Variants in MCC observed in about 807,000 individuals in gnomAD.
The protein encoded by MCC is MCC regulator of Wnt signaling pathway.
Under a neutral mutation model 116.2 loss-of-function variants are expected in MCC, and 90 were observed. The observed-to-expected ratio is 0.77, with a 90% CI of 0.65 to 0.92. The LOEUF is 0.92. Ranked by LOEUF, MCC falls within the 40% of genes least tolerant of loss-of-function variation. MCC has a pLI of 0.00. For synonymous variants in MCC, 578 were observed against 510.5 expected, an observed-to-expected ratio of 1.13 and a Z score of -1.78; for missense variants, 1,516 against 1,312.2, an observed-to-expected ratio of 1.16 and a Z score of -2.40.
Position 113,029,072 on chromosome 5 carries a change from C to T in MCC, c.2757-16G>A. ...CTTCTTTTCTCTATATTAAAGGAGA[C>T]AAAATATGCCAGGAGTAGTTTGAGA... On this transcript the variant is annotated splice_polypyrimidine_tract_variant and intron_variant, in intron 17 of 18. Coordinates refer to ENST00000408903, the MANE Select transcript of MCC (RefSeq NM_001085377.2). 1 of 1,599,728 alleles carries T rather than the reference C, an allele frequency of 6.3e-7. No individual in the cohort carries two copies.
chr5:113,254,388 T>C (rs1764925633), intron 3 of MCC, among the ~76,000 whole-genome samples: 2 of 152,010 alleles, frequency 1.3e-5, no homozygotes, highest in South Asian at 2.1e-4. Context: ...AAAAGGAAAA[T>C]AAATGTCAGC....
At chr5:113,442,672 T>G (rs1481441561) in intron 1 of MCC, among the ~76,000 whole-genome samples, 2 of 152,372 alleles carry the variant, frequency 1.3e-5, no homozygotes, top group East Asian at 3.9e-4. Flanking sequence ...AGTTAATTTT[T>G]GCATAAGGTG....
In MCC at chr5:113,042,733, GATATGCTGAGGTGTAAAAT is replaced by G. The variant is rs1383243305; in HGVS notation, c.2756+778_2756+796del. ...GAGAACTTGAAATGTCTGAATTTGAGATATGCTGAGGTGTAAAATACATACCAGGTTTTGAAAACTTGGT... is the reference window on the plus strand; with the variant it reads ...GAGAACTTGAAATGTCTGAATTTGAGACATACCAGGTTTTGAAAACTTGGT... On this transcript the variant is annotated intron_variant, in intron 17 of 18. Coordinates refer to ENST00000408903, the MANE Select transcript of MCC (RefSeq NM_001085377.2). Among the ~76,000 whole-genome samples, 3 of 151,684 alleles carry G rather than the reference GATATGCTGAGGTGTAAAAT, an allele frequency of 2.0e-5. No homozygotes were observed. The South Asian group carries it at 6.2e-4, about 31-fold the overall frequency.
chr5:113,405,920 C>T (rs886286098), intron 1 of MCC, among the ~76,000 whole-genome samples: 3 of 152,108 alleles, frequency 2.0e-5, no homozygotes, highest in Non-Finnish European at 2.9e-5. Context: ...TTTTGAGCAT[C>T]ACTCTAAGAT....
At chr5:113,188,475 T>C (rs1269683941) in intron 3 of MCC, among the ~76,000 whole-genome samples, 1 of 152,222 alleles carries the variant, frequency 6.6e-6, no homozygotes, top group African/African-American at 2.4e-5. Flanking sequence ...GCAAAGTTCA[T>C]ATTATTTAAT....
At chr5:113,204,904 C>T (rs1436454449) in intron 3 of MCC, among the ~76,000 whole-genome samples, 1 of 152,200 alleles carries the variant, frequency 6.6e-6, no homozygotes, top group Non-Finnish European at 1.5e-5. Flanking sequence ...ATGAATAGTA[C>T]AGAAAACAGT....
At chr5:113,419,765 T>A (rs111374120) in intron 1 of MCC, among the ~76,000 whole-genome samples, 6 of 148,738 alleles carry the variant, frequency 4.0e-5, no homozygotes, top group African/African-American at 1.3e-4. Flanking sequence ...GCAAACTATC[T>A]CAGGGACAAA....
intron 17 of MCC, among the ~76,000 whole-genome samples, chr5:113,038,493 C>A (rs1751469637): frequency 6.6e-6 from 1 of 151,812 alleles, no homozygotes; most frequent in Non-Finnish European, 1.5e-5. Flanking sequence ...GCGCTAGGAA[C>A]CAAAAAAGAA....
At chr5:113,423,893 C>T (rs1241748611) in intron 1 of MCC, among the ~76,000 whole-genome samples, 3 of 152,124 alleles carry the variant, frequency 2.0e-5, no homozygotes, top group Admixed American at 1.3e-4. Context: ...GGAATTCAGG[C>T]GAAGTCCTCA....
In MCC at chr5:113,027,417, G is replaced by A. The variant is rs770382035; in HGVS notation, c.2945C>T (p.Ser982Leu). The A allele has an allele frequency of 3.9e-5, 63 of 1,614,052 alleles. 1 individual carries two copies. The Middle Eastern group carries it at 6.6e-4, about 17-fold the overall frequency. Residue 982 changes from serine to leucine, a missense_variant, in exon 19 of 19, where the codon TCG becomes TTG. Physicochemically the swap from Ser to Leu is moderately radical, Grantham distance 145. Coordinates refer to ENST00000408903, the MANE Select transcript of MCC (RefSeq NM_001085377.2). The part of the protein sequence containing the change: ...KHQNKLKKLE[S>L]QMMAMVERHE... ...TCTCTCCACCATGGCCATCATCTGC[G>A]ACTCTAACTTCTTCAGTTTGTTTTG...
intron 3 of MCC, among the ~76,000 whole-genome samples, chr5:113,316,564 A>C (rs139346359): frequency 1.1e-3 from 171 of 152,350 alleles, no homozygotes; most frequent in African/African-American, 4.0e-3. Context: ...TACATTTCAC[A>C]TAGCCCACAT....
At chr5:113,258,004 C>A (rs1765084057) in intron 3 of MCC, among the ~76,000 whole-genome samples, 1 of 151,892 alleles carries the variant, frequency 6.6e-6, no homozygotes, top group Non-Finnish European at 1.5e-5. Context: ...AAGCAGGAGG[C>A]CAGAGCATCT....
intron 1 of MCC, among the ~76,000 whole-genome samples, chr5:113,417,999 G>C (rs1302704256): frequency 6.6e-6 from 1 of 151,824 alleles, no homozygotes; most frequent in African/African-American, 2.4e-5. Context: ...ACTTATAAAG[G>C]ATATGAGACT....
chr5:113,479,530 A>C (rs1561593702), intron 1 of MCC, among the ~76,000 whole-genome samples: 1 of 151,874 alleles, frequency 6.6e-6, no homozygotes, highest in East Asian at 1.9e-4. Context: ...CTTGTATGTG[A>C]ATGTTCATAA....
At chr5:113,144,808 C>T (rs1759394826) in intron 4 of MCC, among the ~76,000 whole-genome samples, 1 of 152,184 alleles carries the variant, frequency 6.6e-6, no homozygotes, top group Non-Finnish European at 1.5e-5. Flanking sequence ...TAGAGGGATA[C>T]TTTCAGGAAA....
chr5:113,415,854 G>A (rs1191809506), intron 1 of MCC, among the ~76,000 whole-genome samples: 1 of 152,086 alleles, frequency 6.6e-6, no homozygotes, highest in Non-Finnish European at 1.5e-5. Context: ...AAGGCGCTCT[G>A]GTTTTTAGAA....
intron 1 of MCC, among the ~76,000 whole-genome samples, chr5:113,477,870 A>G (rs1029334362): frequency 1.2e-4 from 18 of 152,228 alleles, no homozygotes; most frequent in Non-Finnish European, 2.1e-4. Flanking sequence ...GAACAAGTTT[A>G]TATATCTGGC....
At chr5:113,444,786 G>A (rs903079248) in intron 1 of MCC, among the ~76,000 whole-genome samples, 1 of 151,998 alleles carries the variant, frequency 6.6e-6, no homozygotes, top group Non-Finnish European at 1.5e-5. Context: ...TCTCTATATT[G>A]AAGGCCTTGC....
intron 1 of MCC, among the ~76,000 whole-genome samples, chr5:113,386,183 A>C (rs961801100): frequency 9.9e-5 from 15 of 152,204 alleles, no homozygotes; most frequent in Non-Finnish European, 1.9e-4. Context: ...AAGAGACATT[A>C]GAAATTTGTT....
Sources: allele counts gnomAD v4.1 joint callset (sites outside exome capture counted in the v4.1 genomes callset), GRCh38; gene constraint gnomAD v4.1.1; transcripts MANE v1.5; gene names NCBI Gene and HGNC (gene_info 2026-07-23, HGNC 2026-07-21).